The following DPYD variants were observed in gnomAD, a reference collection of about 807,000 sequenced individuals.
DPYD encodes dihydropyrimidine dehydrogenase [NADP(+)].
A neutral mutation model predicts 116.2 loss-of-function variants in DPYD; 109 were observed. The observed-to-expected ratio is 0.94, with a 90% CI of 0.80 to 1.10. The LOEUF (loss-of-function observed/expected upper bound fraction) is 1.10, where lower values mean the gene tolerates loss of function less well. Among genes scored for constraint, DPYD ranks in the 50% least tolerant of loss-of-function variants. DPYD has a pLI of 0.00. For missense variants in DPYD, 1,302 were observed against 1,254.5 expected, an observed-to-expected ratio of 1.04 and a Z score of -0.57; for synonymous variants, 440 against 432.0, an observed-to-expected ratio of 1.02 and a Z score of -0.23.
At chr1:97,344,565 C>T (rs1280574801) in intron 16 of DPYD, among the ~76,000 whole-genome samples, 2 of 151,074 alleles carry the variant, frequency 1.3e-5, no homozygotes, top group East Asian at 3.9e-4. Context: ...ATTTTTTTCT[C>T]TTTACATTAT....
chr1:97,686,530 G>C (rs571857334), intron 7 of DPYD, among the ~76,000 whole-genome samples: 14 of 150,486 alleles, frequency 9.3e-5, no homozygotes, highest in Admixed American at 2.0e-4. Flanking sequence ...CCAGCTACTC[G>C]GGAGGCTGAG....
chr1:97,803,203 C>T (rs1489659192), intron 3 of DPYD, among the ~76,000 whole-genome samples: 1 of 151,826 alleles, frequency 6.6e-6, no homozygotes, highest in East Asian at 1.9e-4. Flanking sequence ...ACGCACCAGT[C>T]AGGAGGAATG....
chr1:97,841,709 G>A (rs1419938461), intron 2 of DPYD, among the ~76,000 whole-genome samples: 3 of 150,516 alleles, frequency 2.0e-5, no homozygotes, highest in Non-Finnish European at 4.4e-5. Context: ...GAGTAGCAGG[G>A]GAAAAAAAAA....
chr1:97,441,145 T>C (rs1675774642), intron 14 of DPYD, among the ~76,000 whole-genome samples: 3 of 152,186 alleles, frequency 2.0e-5, no homozygotes, highest in Non-Finnish European at 4.4e-5. Flanking sequence ...TTAATCTGAT[T>C]ACATTACTGC....
chr1:97,742,513 C>T (rs1239272341), intron 3 of DPYD, among the ~76,000 whole-genome samples: 1 of 152,078 alleles, frequency 6.6e-6, no homozygotes, highest in Admixed American at 6.6e-5. Flanking sequence ...TTGTTAGATT[C>T]ACATCTATCA....
chr1:97,784,840 T>C (rs1557959398), intron 3 of DPYD, among the ~76,000 whole-genome samples: 1 of 152,214 alleles, frequency 6.6e-6, no homozygotes, highest in South Asian at 2.1e-4. Flanking sequence ...TACAGTTAAA[T>C]AGACACTAAC....
intron 14 of DPYD, among the ~76,000 whole-genome samples, chr1:97,388,530 C>T (rs776951869): frequency 1.3e-5 from 2 of 152,018 alleles, no homozygotes; most frequent in African/African-American, 2.4e-5. Context: ...AAGTAAGGAA[C>T]AATCAACCGT....
chr1:97,866,347 G>C (rs1445161018), intron 2 of DPYD, among the ~76,000 whole-genome samples: 1 of 151,870 alleles, frequency 6.6e-6, no homozygotes, highest in African/African-American at 2.4e-5. Context: ...TATGACAACA[G>C]ATACTGATGG....
At chr1:97,777,216 A>T (rs1666458029) in intron 3 of DPYD, among the ~76,000 whole-genome samples, 2 of 152,202 alleles carry the variant, frequency 1.3e-5, no homozygotes, top group Non-Finnish European at 2.9e-5. Context: ...TAAAACTTTT[A>T]AAAAATTAAT....
chr1:97,903,608 T>C (rs778136901), intron 1 of DPYD, among the ~76,000 whole-genome samples: 19 of 151,958 alleles, frequency 1.3e-4, no homozygotes, highest in Non-Finnish European at 1.8e-4. Context: ...ATCAACAGTA[T>C]CTTTTTAAAA....
chr1:97,869,788 C>T (rs1390581627), intron 2 of DPYD, among the ~76,000 whole-genome samples: 3 of 151,774 alleles, frequency 2.0e-5, no homozygotes, highest in Non-Finnish European at 2.9e-5. Context: ...CACTTCTGCA[C>T]GATTTATCTC....
At chr1:97,647,440 C>T (rs1228594290) in intron 8 of DPYD, among the ~76,000 whole-genome samples, 1 of 151,864 alleles carries the variant, frequency 6.6e-6, no homozygotes, top group East Asian at 1.9e-4. Flanking sequence ...ATAATAAGAA[C>T]AATAACAGAA....
chr1:97,159,542 C>A (rs1002041438), intron 20 of DPYD, among the ~76,000 whole-genome samples: 1 of 151,948 alleles, frequency 6.6e-6, no homozygotes, highest in Middle Eastern at 3.4e-3. Context: ...ATTTCCTAAA[C>A]TTGGTAAAAA....
At chr1:97,370,646 GCT>G (rs1232830540) in intron 16 of DPYD, among the ~76,000 whole-genome samples, 15 of 152,064 alleles carry the variant, frequency 9.9e-5, no homozygotes, top group African/African-American at 3.6e-4. Flanking sequence ...TTTTAACAAT[GCT>G]CTTTAAAGTT....
At chr1:97,666,826 A>G (rs1279129153) in intron 8 of DPYD, among the ~76,000 whole-genome samples, 1 of 152,160 alleles carries the variant, frequency 6.6e-6, no homozygotes, top group Non-Finnish European at 1.5e-5. Context: ...AATTCCACAA[A>G]CAGATGCATG....
intron 8 of DPYD, among the ~76,000 whole-genome samples, chr1:97,599,495 TATA>T (rs571799180): frequency 3.3e-4 from 50 of 152,264 alleles, no homozygotes; most frequent in African/African-American, 1.2e-3. Context: ...ACTCAGATTC[TATA>T]ATGTTTGCTT....
chr1:97,750,322 T>C (rs1431318083), intron 3 of DPYD, among the ~76,000 whole-genome samples: 4 of 152,106 alleles, frequency 2.6e-5, no homozygotes, highest in African/African-American at 9.7e-5. Flanking sequence ...ACTCAAATTG[T>C]TAAATCCATA....
intron 4 of DPYD, among the ~76,000 whole-genome samples, chr1:97,730,415 G>T (rs12091767): frequency 0.011 from 1,652 of 152,076 alleles, 34 homozygotes; most frequent in African/African-American, 0.038. Context: ...GTAGAGACAG[G>T]ATTTTTCCAT....
At chr1:97,483,713 C>T (rs187592285) in intron 13 of DPYD, among the ~76,000 whole-genome samples, 63 of 152,104 alleles carry the variant, frequency 4.1e-4, no homozygotes, top group Middle Eastern at 6.8e-3. Context: ...GCTCCTTACC[C>T]GTGAATGGGA....
Sources: allele counts gnomAD v4.1 joint callset (sites outside exome capture counted in the v4.1 genomes callset), GRCh38; gene constraint gnomAD v4.1.1; transcripts MANE v1.5; gene names NCBI Gene and HGNC (gene_info 2026-07-23, HGNC 2026-07-21).